The following ABAT variants were observed in gnomAD, a reference collection of about 807,000 sequenced individuals.
ABAT encodes 4-aminobutyrate aminotransferase, mitochondrial.
ABAT carries 45 observed loss-of-function variants against 64.6 expected under a neutral mutation model. The ratio of observed to expected loss-of-function variants is 0.70; its 90% CI spans 0.55 to 0.89. The LOEUF is 0.89. ABAT is among the 40% of genes least tolerant of loss of function. The probability of loss-of-function intolerance (pLI) is 0.00; values close to 1 mark genes in which losing one functional copy is unlikely to be tolerated. For synonymous variants in ABAT, 297 were observed against 250.5 expected (o/e 1.19, Z -1.75); for missense variants, 633 against 658.4 (o/e 0.96, Z 0.42).
chr16:8,694,252 C>T (rs1202233733), intron 1 of ABAT, among the ~76,000 whole-genome samples: 1 of 150,150 alleles, frequency 6.7e-6, no homozygotes, highest in Non-Finnish European at 1.5e-5. Context: ...AGAATGGTCT[C>T]GATCTTCTGA....
chr16:8,748,915 G>T lies in ABAT; in HGVS notation c.198+778G>T, dbSNP rs149005225. The stretch of plus-strand genomic sequence containing the variant: ...AACTATTTGTGTTCTTGAATCTAAA[G>T]TGTCTCCTGTAAACAGCATCGAGTT... On this transcript the variant is annotated intron_variant, in intron 4 of 15. Transcript: ENST00000268251. Among the ~76,000 whole-genome samples, 322 of 152,200 alleles carry T rather than the reference G, an allele frequency of 2.1e-3. 1 individual carries two copies. The highest frequency in any genetic ancestry group is 7.4e-3 in the African/African-American group (309 of 41,522).
chr16:8,774,876 T>G lies in ABAT; in HGVS notation c.955-14T>G, dbSNP rs375655134. On this transcript the variant is annotated splice_polypyrimidine_tract_variant and intron_variant, in intron 12 of 15. Transcript: ENST00000268251. ...CGGGTGTTTATTTCTCCCTCCTCTCTCTTCTCCGGCCAGCATGGCTGCGCC... is the reference window on the plus strand; with the variant it reads ...CGGGTGTTTATTTCTCCCTCCTCTCGCTTCTCCGGCCAGCATGGCTGCGCC... 6.8e-6 allele frequency: 11 copies of G among 1,613,388 alleles called. No individual in the cohort carries two copies. Among genetic ancestry groups the G allele is most frequent in the Non-Finnish European group, 9.3e-6 (11 of 1,180,018 alleles).
rs949713497 is a variant in ABAT at position 8,766,209 on chromosome 16, G to A, written c.542G>A (p.Ser181Asn). 1.2e-6 allele frequency: 2 copies of A among 1,613,944 alleles called. No individual in the cohort carries two copies. Among genetic ancestry groups the A allele is most frequent in the Non-Finnish European group, 1.7e-6 (2 of 1,179,886 alleles). The change falls in exon 9 of 16, where the codon AGC becomes AAC. Residue 181 changes from serine to asparagine, a missense_variant and splice_region_variant. Coordinates refer to ENST00000268251, the MANE Select transcript of ABAT (RefSeq NM_020686.6). ...TTTTGTTCTGTTCTATTGTTTCAGA[G>A]CAAGGAAAGAGGGCAGAGGGGCTTC... Reference protein sequence around the residue: ...ALKTIFMWYRSKERGQRGFSQ... With the variant: ...ALKTIFMWYRNKERGQRGFSQ...
intron 1 of ABAT, among the ~76,000 whole-genome samples, chr16:8,712,003 G>A: frequency 1.3e-5 from 1 of 76,452 alleles, no homozygotes; most frequent in East Asian, 9.4e-4. Context: ...ACTTTGGGAG[G>A]TCGGGGGGGA....
intron 12 of ABAT, among the ~76,000 whole-genome samples, 188 bp downstream of exon 12, chr16:8,773,105 T>TATACACACACACAC (rs774327698): frequency 5.2e-4 from 57 of 109,028 alleles, no homozygotes; most frequent in South Asian, 7.3e-4. Context: ...CCTAAAACTA[T>TATACACACACACAC]ACACACACAC....
At position 8,781,757 on chromosome 16, in the gene ABAT, A is replaced by C; in HGVS notation, c.*327A>C. ...GACCAACCCCAGCAATTTTTCCAAA[A>C]GCCAGTCAAGGGCATTACATTTGTT... On this transcript the variant is annotated 3_prime_UTR_variant, in exon 16 of 16. Coordinates refer to ENST00000268251, the MANE Select transcript of ABAT (RefSeq NM_020686.6). The surrounding 1 kb of genome is among the most constrained non-coding windows in gnomAD (Gnocchi z 4.5). The C allele has an allele frequency of 2.4e-6, 1 of 423,708 alleles. No homozygotes were observed. Among genetic ancestry groups the C allele is most frequent in the Non-Finnish European group, 4.4e-6 (1 of 226,210 alleles). The allele number at this position is 423,708 out of a possible 1,614,324, so 26.2% of individuals were successfully genotyped here. A position where few individuals can be genotyped will look rare whatever the true frequency, so the allele number is the denominator to read the frequency against.
intron 4 of ABAT, among the ~76,000 whole-genome samples, chr16:8,748,509 G>C (rs919629151): frequency 2.0e-5 from 3 of 152,116 alleles, no homozygotes; most frequent in South Asian, 2.1e-4. Context: ...ATATTCTGCT[G>C]TTGTTGGGCA....
chr16:8,735,930 T>A, intron 2 of ABAT, 121 bp downstream of exon 2: 2 of 823,760 alleles, frequency 2.4e-6, no homozygotes, highest in Non-Finnish European at 4.0e-6. Flanking sequence ...TTTCTGGGAC[T>A]GTCCCACTGT....
intron 5 of ABAT, among the ~76,000 whole-genome samples, chr16:8,755,908 G>T (rs1344256163): frequency 6.6e-6 from 1 of 152,160 alleles, no homozygotes; most frequent in Non-Finnish European, 1.5e-5. Flanking sequence ...AATTAGCCAG[G>T]CGTGGTGATG....
Position 8,776,572 on chromosome 16 carries a change from A to G in ABAT, c.1269+82A>G. 1 of 1,406,308 alleles carries G rather than the reference A, an allele frequency of 7.1e-7. No individual in the cohort carries two copies. The highest frequency in any genetic ancestry group is 1.2e-5 in the South Asian group (1 of 80,646). The allele number at this position is 1,406,308 out of a possible 1,614,324, so 87.1% of individuals were successfully genotyped here. The stretch of plus-strand genomic sequence containing the variant: ...CGGGGCAACACTGGAGCTCTTCGGC[A>G]TGGTGTTGTGCCTGCTGTTCCAGCA... On this transcript the variant is annotated intron_variant, in intron 14 of 15. Coordinates refer to ENST00000268251, the MANE Select transcript of ABAT (RefSeq NM_020686.6). The surrounding 1 kb of genome is among the most constrained non-coding windows in gnomAD (Gnocchi z 4.4).
chr16:8,723,809 T>TTTTATATATATATATATATATATATA (rs1220757634), intron 1 of ABAT, among the ~76,000 whole-genome samples: 3 of 44,808 alleles, frequency 6.7e-5, no homozygotes, highest in African/African-American at 1.6e-4. Context: ...TCCAAGCTTT[T>TTTTATATATATATATATATATATATA]TATATATATA....
chr16:8,774,003 A>G (rs1596471175), intron 12 of ABAT, among the ~76,000 whole-genome samples: 1 of 152,032 alleles, frequency 6.6e-6, no homozygotes, highest in Non-Finnish European at 1.5e-5. Flanking sequence ...ATCTTGGCTC[A>G]CTGTAACCTC....
chr16:8,749,748 C>G (rs1409399567), intron 4 of ABAT, among the ~76,000 whole-genome samples: 1 of 151,768 alleles, frequency 6.6e-6, no homozygotes, highest in Non-Finnish European at 1.5e-5. Context: ...GAGTCTCACT[C>G]TGTCGCCCCA....
chr16:8,780,726 G>GCACC (rs2060408786), intron 15 of ABAT: 1 of 181,140 alleles, frequency 5.5e-6, no homozygotes, highest in Admixed American at 5.6e-5. Context: ...GGTTGCCACT[G>GCACC]CACCCCAGCC....
intron 14 of ABAT, among the ~76,000 whole-genome samples, chr16:8,778,318 CTCTGGGGGAGAA>C (rs2060326407): frequency 6.6e-6 from 1 of 152,150 alleles, no homozygotes. Flanking sequence ...CTTCTCGAGG[CTCTGGGGGAGAA>C]TCTGTTCCAT....
At chr16:8,718,665 A>T (rs2058280051) in intron 1 of ABAT, among the ~76,000 whole-genome samples, 1 of 152,128 alleles carries the variant, frequency 6.6e-6, no homozygotes, top group African/African-American at 2.4e-5. Flanking sequence ...TGGGAAGATG[A>T]CCCCTAAATG....
chr16:8,696,149 C>T (rs1328014056), intron 1 of ABAT, among the ~76,000 whole-genome samples: 1 of 152,210 alleles, frequency 6.6e-6, no homozygotes, highest in Non-Finnish European at 1.5e-5. Context: ...GAGTGCACAG[C>T]CCATGACCCT....
At chr16:8,761,574 G>A (rs917466027) in intron 6 of ABAT, among the ~76,000 whole-genome samples, 3 of 152,242 alleles carry the variant, frequency 2.0e-5, no homozygotes, top group East Asian at 3.8e-4. Context: ...TCTGGGTTGG[G>A]TTGTTCTGCA....
At chr16:8,771,883 G>A (rs1180769856) in intron 11 of ABAT, among the ~76,000 whole-genome samples, 1 of 151,826 alleles carries the variant, frequency 6.6e-6, no homozygotes, top group African/African-American at 2.4e-5. Context: ...TCCCACCTCA[G>A]CCTCTCAAGT....
Sources: gnomAD v4.1 joint callset for allele counts (sites outside exome capture counted in the v4.1 genomes callset) on GRCh38, gnomAD v4.1.1 for gene constraint, Gnocchi (gnomAD v3.1) non-coding constraint, MANE v1.5 for transcripts, NCBI Gene and HGNC (gene_info 2026-07-23, HGNC 2026-07-21) for gene names.